FBXL2: variants seen among roughly 807,000 people sequenced by gnomAD.
FBXL2 encodes F-box and leucine rich repeat protein 2, also known as F-box/LRR-repeat protein 2.
FBXL2 carries 38 observed loss-of-function variants against 69.2 expected under a neutral mutation model. The observed-to-expected ratio is 0.55, with a 90% CI of 0.42 to 0.72. The LOEUF (loss-of-function observed/expected upper bound fraction) is 0.72, where lower values mean the gene tolerates loss of function less well. Ranked by LOEUF, FBXL2 falls within the 30% of genes least tolerant of loss-of-function variation. The pLI, the probability that FBXL2 is intolerant of heterozygous loss-of-function variation, is 0.00. For missense variants in FBXL2, 354 were observed against 520.3 expected (o/e 0.68, Z 3.11); for synonymous variants, 192 against 201.3 (o/e 0.95, Z 0.39).
chr3:33,326,674 G>T (rs371071561), intron 2 of FBXL2, among the ~76,000 whole-genome samples: 1 of 151,636 alleles, frequency 6.6e-6, no homozygotes, highest in Non-Finnish European at 1.5e-5. Context: ...TTATTCAGCC[G>T]TGCACCTTGG....
At chr3:33,321,372 C>T (rs956837514) in intron 2 of FBXL2, among the ~76,000 whole-genome samples, 1 of 150,094 alleles carries the variant, frequency 6.7e-6, no homozygotes, top group Non-Finnish European at 1.5e-5. Context: ...AAAGCATTAA[C>T]TAGTATTTTA....
At chr3:33,350,171 G>A (rs2040731838) in intron 2 of FBXL2, among the ~76,000 whole-genome samples, 1 of 152,052 alleles carries the variant, frequency 6.6e-6, no homozygotes, top group African/African-American at 2.4e-5. Context: ...CAAATCCAGT[G>A]ATGTATAAAA....
At chr3:33,416,967 T>G in the FBXL2 span, 2 of 712,608 alleles carry the variant, frequency 2.8e-6, no homozygotes, top group Non-Finnish European at 4.7e-6. Flanking sequence ...GGAAGCAAAT[T>G]CAGGTTGATC....
chr3:33,388,691 C>G (rs531556173), downstream of FBXL2: 3 of 152,086 alleles, frequency 2.0e-5, no homozygotes, highest in Admixed American at 1.3e-4. Context: ...TGTGGTCACA[C>G]GAAAGCAAAG....
chr3:33,283,568 G>C (rs2034273531), intron 1 of FBXL2, among the ~76,000 whole-genome samples: 1 of 152,172 alleles, frequency 6.6e-6, no homozygotes, highest in Admixed American at 6.5e-5. Context: ...CTCATAAAAT[G>C]AGTTAGGGAG....
At chr3:33,281,495 C>T (rs899973945) in intron 1 of FBXL2, among the ~76,000 whole-genome samples, 23 of 152,106 alleles carry the variant, frequency 1.5e-4, no homozygotes, top group African/African-American at 4.8e-4. Flanking sequence ...AATAGTGCCG[C>T]GGTAAACATA....
upstream of FBXL2, chr3:33,277,185 T>TAAAAA (rs751643485): frequency 3.1e-3 from 913 of 291,426 alleles, 4 homozygotes; most frequent in Admixed American, 9.3e-3. Context: ...ACGTTTTTTT[T>TAAAAA]AAAAAAAAAA....
At chr3:33,316,670 T>C (rs1034131137) in intron 2 of FBXL2, among the ~76,000 whole-genome samples, 4 of 152,194 alleles carry the variant, frequency 2.6e-5, no homozygotes, top group African/African-American at 4.8e-5. Flanking sequence ...CTGATAATAG[T>C]GGGTCCTGTG....
chr3:33,373,701 A>G lies in FBXL2; in HGVS notation c.579A>G (p.Thr193=). ...AAGCCCTGCTCCTGAGGGGCTGCAC[A>G]CAGGTACCAGAGGGTTGATACAGCT... ...GLKALLLRGC[T]QLEDEALKHI... The change falls in exon 8 of 15, where the codon ACA becomes ACG. Residue 193 remains threonine, a synonymous_variant. Coordinates refer to ENST00000484457, the MANE Select transcript of FBXL2 (RefSeq NM_012157.5). 3 of 1,614,174 alleles carry G rather than the reference A, an allele frequency of 1.9e-6. No homozygotes were observed. Among genetic ancestry groups the G allele is most frequent in the Non-Finnish European group, 1.7e-6 (2 of 1,180,028 alleles).
intron 13 of FBXL2, among the ~76,000 whole-genome samples, chr3:33,380,038 CT>C (rs1365362904): frequency 6.6e-6 from 1 of 151,686 alleles, no homozygotes; most frequent in Non-Finnish European, 1.5e-5. Context: ...TGAGACCATC[CT>C]GGCCAAGATG....
At chr3:33,400,663 C>T (rs758422215) in intron 12 of FBXL2, among the ~76,000 whole-genome samples, 14 of 151,684 alleles carry the variant, frequency 9.2e-5, no homozygotes, top group Admixed American at 1.3e-4. Flanking sequence ...TAACAGAGAC[C>T]GGGAAGAATG....
intron 2 of FBXL2, chr3:33,317,330 G>A (rs977490953): frequency 2.6e-6 from 1 of 383,610 alleles, no homozygotes; most frequent in Admixed American, 2.9e-5. Context: ...AACCTCAAGA[G>A]AGAAAACCCA....
chr3:33,390,330 A>G, downstream of FBXL2: 1 of 1,614,056 alleles, frequency 6.2e-7, no homozygotes, highest in Non-Finnish European at 8.5e-7. Context: ...TATATAAGAC[A>G]TCACTTCAAA....
At chr3:33,367,232 C>T (rs2042010981) in intron 5 of FBXL2, among the ~76,000 whole-genome samples, 1 of 152,064 alleles carries the variant, frequency 6.6e-6, no homozygotes, top group South Asian at 2.1e-4. Flanking sequence ...CAGTCACCCA[C>T]CACCATGCCT....
At chr3:33,397,146 G>A (rs1461589765) in intron 12 of FBXL2, 2 of 1,561,316 alleles carry the variant, frequency 1.3e-6, no homozygotes, top group Non-Finnish European at 1.7e-6. Context: ...CTAGAGAAGA[G>A]CAAAAATATT....
At chr3:33,393,381 G>T (rs2043842980) in intron 12 of FBXL2, 1 of 1,612,998 alleles carries the variant, frequency 6.2e-7, no homozygotes, top group Non-Finnish European at 8.5e-7. Context: ...GGTGGAGAGG[G>T]ATATTAAACA....
rs2042555197 is a variant in FBXL2 at position 33,375,178 on chromosome 3, A to G, written c.658-110A>G. 6 of 1,313,366 alleles carry G rather than the reference A, an allele frequency of 4.6e-6. No homozygotes were observed. The East Asian group carries it at 1.4e-4, about 31-fold the overall frequency. The allele number at this position is 1,313,366 out of a possible 1,614,324, so 81.4% of individuals were successfully genotyped here. On this transcript the variant is annotated intron_variant, in intron 9 of 14. Coordinates refer to ENST00000484457, the MANE Select transcript of FBXL2 (RefSeq NM_012157.5). ...ATTTTGTTGAAGTTATTTGGATAAA[A>G]TGCTAGTAATCAGCAACCAAAACTG...
the FBXL2 span, among the ~76,000 whole-genome samples, chr3:33,412,186 C>CAAA: frequency 7.9e-5 from 5 of 63,428 alleles, no homozygotes; most frequent in Non-Finnish European, 1.3e-4. Context: ...AACTCCGTCT[C>CAAA]AAAAAAAAAA....
intron 3 of FBXL2, 63 bp downstream of exon 3, chr3:33,359,084 T>C (rs2041424128): frequency 8.6e-7 from 1 of 1,161,892 alleles, no homozygotes; most frequent in African/African-American, 1.6e-5. Context: ...GAGTTTTAGT[T>C]CAAATTACTG....
Sources: allele counts gnomAD v4.1 joint callset (sites outside exome capture counted in the v4.1 genomes callset), GRCh38; gene constraint gnomAD v4.1.1; transcripts MANE v1.5; gene names NCBI Gene and HGNC (gene_info 2026-07-23, HGNC 2026-07-21).